RALYL: variants seen among roughly 807,000 people sequenced by gnomAD.
RALYL encodes RNA-binding Raly-like protein.
Under a neutral mutation model 35.1 loss-of-function variants are expected in RALYL, and 29 were observed. The ratio of observed to expected loss-of-function variants is 0.83; its 90% CI spans 0.61 to 1.13. The LOEUF (loss-of-function observed/expected upper bound fraction) is 1.13, where lower values mean the gene tolerates loss of function less well. RALYL is among the 50% of genes most tolerant of loss of function. RALYL has a pLI of 0.00. For missense variants in RALYL, 359 were observed against 360.4 expected (o/e 1.00, Z 0.03); for synonymous variants, 120 against 127.6 (o/e 0.94, Z 0.40).
chr8:84,710,016 G>A (rs1467649399), intron 2 of RALYL, among the ~76,000 whole-genome samples: 13 of 151,980 alleles, frequency 8.6e-5, no homozygotes, highest in Non-Finnish European at 1.8e-4. Flanking sequence ...AGCCAAGATT[G>A]CACCACTGCA....
At chr8:84,873,851 C>G (rs900559853) in intron 7 of RALYL, among the ~76,000 whole-genome samples, 1 of 152,134 alleles carries the variant, frequency 6.6e-6, no homozygotes, top group Non-Finnish European at 1.5e-5. Flanking sequence ...CTTCAGTACC[C>G]AAGTTCAGGA....
intron 2 of RALYL, among the ~76,000 whole-genome samples, chr8:84,740,829 TTTG>T (rs1722517146): frequency 6.6e-6 from 1 of 152,018 alleles, no homozygotes; most frequent in Admixed American, 6.6e-5. Flanking sequence ...TATCAAAGTC[TTTG>T]CCAGACTGTT....
intron 1 of RALYL, among the ~76,000 whole-genome samples, chr8:84,355,578 T>G (rs185063225): frequency 6.6e-6 from 1 of 150,528 alleles, no homozygotes; most frequent in Non-Finnish European, 1.5e-5. Context: ...ACCAATATGG[T>G]CAAATTTGTA....
At chr8:84,889,121 G>A (rs574715465) in intron 8 of RALYL, among the ~76,000 whole-genome samples, 1 of 152,230 alleles carries the variant, frequency 6.6e-6, no homozygotes, top group African/African-American at 2.4e-5. Context: ...GTCTGTATCA[G>A]TTTGCAGAAC....
At chr8:84,248,119 T>C (rs144300041) in intron 1 of RALYL, among the ~76,000 whole-genome samples, 1 of 152,248 alleles carries the variant, frequency 6.6e-6, no homozygotes, top group East Asian at 1.9e-4. Context: ...GAGGGCTTTA[T>C]GTACCTGAGA....
intron 5 of RALYL, 35 bp downstream of exon 5, chr8:84,850,062 T>G: frequency 8.1e-7 from 1 of 1,235,538 alleles, no homozygotes; most frequent in Non-Finnish European, 1.1e-6. Context: ...TTCCTATGAC[T>G]TAAATTATCT....
chr8:84,839,040 A>G (rs1832626166), intron 4 of RALYL, among the ~76,000 whole-genome samples: 1 of 152,226 alleles, frequency 6.6e-6, no homozygotes, highest in African/African-American at 2.4e-5. Flanking sequence ...TCCCAGCATG[A>G]GCAACGCAGA....
chr8:84,870,977 G>A (rs1185339567), intron 6 of RALYL, among the ~76,000 whole-genome samples: 2 of 152,132 alleles, frequency 1.3e-5, no homozygotes, highest in Non-Finnish European at 2.9e-5. Context: ...TGCTTTGCAG[G>A]ACCTAGATGA....
intron 2 of RALYL, among the ~76,000 whole-genome samples, chr8:84,551,866 A>C (rs1480387799): frequency 6.6e-6 from 1 of 152,164 alleles, no homozygotes. Context: ...ATAAATGAAA[A>C]GGAATCATTT....
chr8:84,334,537 T>A (rs917503273), intron 1 of RALYL, among the ~76,000 whole-genome samples: 1 of 151,314 alleles, frequency 6.6e-6, no homozygotes, highest in African/African-American at 2.4e-5. Context: ...AATAATTACA[T>A]ATTAAAGTAA....
intron 2 of RALYL, among the ~76,000 whole-genome samples, chr8:84,587,694 T>C (rs191039858): frequency 1.2e-4 from 18 of 152,276 alleles, no homozygotes; most frequent in Admixed American, 1.2e-3. Context: ...AAATTAAATA[T>C]TTATATGAAT....
chr8:84,573,338 A>T (rs1342335214), intron 2 of RALYL, among the ~76,000 whole-genome samples: 6 of 151,636 alleles, frequency 4.0e-5, no homozygotes, highest in African/African-American at 1.5e-4. Flanking sequence ...ATAGAACTTT[A>T]GTATTATAGT....
chr8:84,358,602 T>C (rs905652135), intron 1 of RALYL, among the ~76,000 whole-genome samples: 19 of 152,008 alleles, frequency 1.2e-4, no homozygotes, highest in African/African-American at 4.1e-4. Flanking sequence ...ATGATGGGTA[T>C]GTGAAGCCTA....
chr8:84,601,871 AT>A (rs1483941006), intron 2 of RALYL, among the ~76,000 whole-genome samples: 12 of 152,210 alleles, frequency 7.9e-5, no homozygotes, highest in African/African-American at 2.9e-4. Context: ...CTTTTTCAAT[AT>A]TTTAGCTTCC....
At chr8:84,403,427 A>G (rs1586886367) in intron 1 of RALYL, among the ~76,000 whole-genome samples, 1 of 148,506 alleles carries the variant, frequency 6.7e-6, no homozygotes, top group East Asian at 2.0e-4. Flanking sequence ...TACTTACCCC[A>G]TTGCTTGTTT....
At chr8:84,574,802 A>C (rs1431620875) in intron 2 of RALYL, among the ~76,000 whole-genome samples, 3 of 152,104 alleles carry the variant, frequency 2.0e-5, no homozygotes, top group Non-Finnish European at 4.4e-5. Flanking sequence ...GTAATGTTTT[A>C]TTTGGCATAT....
chr8:84,492,581 A>C (rs2055461113), intron 1 of RALYL, among the ~76,000 whole-genome samples: 1 of 152,044 alleles, frequency 6.6e-6, no homozygotes, highest in Non-Finnish European at 1.5e-5. Flanking sequence ...ATATTTTATG[A>C]AACTGCTCAT....
chr8:84,628,550 AT>A (rs1377069810), intron 2 of RALYL, among the ~76,000 whole-genome samples: 2 of 152,164 alleles, frequency 1.3e-5, no homozygotes, highest in Non-Finnish European at 2.9e-5. Flanking sequence ...AAAAGAGTAA[AT>A]GAATATATTT....
chr8:84,907,310 TCACACACACACACACACAC>T (rs1206863102), intron 8 of RALYL, among the ~76,000 whole-genome samples: 5 of 148,042 alleles, frequency 3.4e-5, no homozygotes, highest in African/African-American at 1.0e-4. Flanking sequence ...AGATATAGCG[TCACACACACACACACACAC>T]ACACACACAC....
Sources: allele counts gnomAD v4.1 joint callset (sites outside exome capture counted in the v4.1 genomes callset), GRCh38; gene constraint gnomAD v4.1.1; transcripts MANE v1.5; gene names NCBI Gene and HGNC (gene_info 2026-07-23, HGNC 2026-07-21).